EPS15: variants seen among roughly 807,000 people sequenced by gnomAD.
EPS15 encodes the protein epidermal growth factor receptor pathway substrate 15.
Under a neutral mutation model 113.8 loss-of-function variants are expected in EPS15, and 72 were observed. That is an observed-to-expected ratio of 0.63 (90% confidence interval 0.52 to 0.77). The LOEUF is 0.77. Ranked by LOEUF, EPS15 falls within the 30% of genes least tolerant of loss-of-function variation. EPS15 has a pLI of 0.00. For synonymous variants in EPS15, 344 were observed against 363.4 expected, an observed-to-expected ratio of 0.95 and a Z score of 0.61; for missense variants, 1,048 against 1,045.8, an observed-to-expected ratio of 1.00 and a Z score of -0.03.
At chr1:51,473,658 T>C (rs1342873377) in intron 2 of EPS15, among the ~76,000 whole-genome samples, 1 of 152,108 alleles carries the variant, frequency 6.6e-6, no homozygotes, top group Non-Finnish European at 1.5e-5. Context: ...TTCCTAAAGT[T>C]CCATTTGTAA....
chr1:51,423,971 A>G (rs984527561), intron 12 of EPS15, among the ~76,000 whole-genome samples: 1 of 152,134 alleles, frequency 6.6e-6, no homozygotes, highest in African/African-American at 2.4e-5. Context: ...TGTTATCTCT[A>G]ATCATATCCT....
intron 17 of EPS15, among the ~76,000 whole-genome samples, chr1:51,402,785 T>A (rs1166911936): frequency 3.9e-5 from 6 of 151,922 alleles, no homozygotes; most frequent in Non-Finnish European, 8.8e-5. Flanking sequence ...TAGCTGGGCA[T>A]GTGCAGCTAC....
intron 9 of EPS15, 43 bp from the exon 10 acceptor site, chr1:51,447,148 A>T: frequency 6.4e-7 from 1 of 1,551,410 alleles, no homozygotes; most frequent in Non-Finnish European, 8.7e-7. Context: ...AAAATGAAAC[A>T]AACTTTGAAG....
At chr1:51,438,224 C>T (rs1461806077) in intron 12 of EPS15, among the ~76,000 whole-genome samples, 3 of 151,926 alleles carry the variant, frequency 2.0e-5, no homozygotes, top group Admixed American at 2.0e-4. Flanking sequence ...ATAAATATAC[C>T]GCACATTTAT....
intron 21 of EPS15, chr1:51,372,363 T>A (rs1342490514): frequency 1.9e-5 from 10 of 536,392 alleles, no homozygotes; most frequent in South Asian, 1.1e-4. Flanking sequence ...AAACCAGCAG[T>A]GCATTGTTGG....
intron 8 of EPS15, among the ~76,000 whole-genome samples, chr1:51,448,762 T>G (rs1653283792): frequency 6.6e-6 from 1 of 152,160 alleles, no homozygotes; most frequent in African/African-American, 2.4e-5. Context: ...GCATAAGGAT[T>G]ATTTTGAACT....
intron 21 of EPS15, among the ~76,000 whole-genome samples, chr1:51,368,443 A>G (rs1448582201): frequency 6.6e-6 from 1 of 152,220 alleles, no homozygotes; most frequent in Admixed American, 6.5e-5. Context: ...TTGGAAGTTC[A>G]GGGTTATAGG....
Position 51,490,603 on chromosome 1 carries a change from T to C in EPS15, c.34-9289A>G, listed in dbSNP as rs892456903. The stretch of plus-strand genomic sequence containing the variant: ...AAAAAAAACAGAAGTGAAAGTAAAA[T>C]AAAGAGACAACCTCTAAAACATAAT... On this transcript the variant is annotated intron_variant, in intron 1 of 24. Coordinates refer to ENST00000371733, the MANE Select transcript of EPS15 (RefSeq NM_001981.3). Among the ~76,000 whole-genome samples the C allele has an allele frequency of 1.3e-4, 16 of 119,690 alleles. No individual in the cohort carries two copies. In the South Asian group the frequency reaches 2.7e-3, roughly 20 times the overall value. The allele number at this position is 119,690 out of a possible 152,430, so 78.5% of individuals were successfully genotyped here.
chr1:51,472,812 C>T (rs1375353396), intron 3 of EPS15, 47 bp downstream of exon 3: 1 of 1,387,550 alleles, frequency 7.2e-7, no homozygotes, highest in Non-Finnish European at 1.0e-6. Flanking sequence ...ATCTATAGTA[C>T]ACATTCCTTA....
intron 1 of EPS15, among the ~76,000 whole-genome samples, chr1:51,489,871 C>T (rs1169722874): frequency 6.6e-6 from 1 of 152,154 alleles, no homozygotes; most frequent in African/African-American, 2.4e-5. Flanking sequence ...GGGACTGCTC[C>T]TCCAGCCCGG....
rs182496642 is a variant in EPS15, at chr1:51,392,336, T to C, written c.2119+2045A>G. 6.2e-4 allele frequency among the ~76,000 whole-genome samples: 94 copies of C among 152,238 alleles called. 1 individual carries two copies. The highest frequency in any genetic ancestry group is 2.1e-3 in the African/African-American group (86 of 41,528). On this transcript the variant is annotated intron_variant, in intron 21 of 24. Transcript: ENST00000371733. ...TTAAATGGGACCAAGTAGAGAAAAA[T>C]GATTAGCATGTTGACTGCTGGAACT... is the stretch of plus-strand genomic sequence containing the variant.
chr1:51,502,449 A>G (rs969905398), intron 1 of EPS15, among the ~76,000 whole-genome samples: 1 of 152,144 alleles, frequency 6.6e-6, no homozygotes, highest in Non-Finnish European at 1.5e-5. Flanking sequence ...AAGGATGTCC[A>G]CTCTTGCCAC....
chr1:51,421,769 A>G lies in EPS15; in HGVS notation c.1113+17T>C. On this transcript the variant is annotated intron_variant, in intron 13 of 24. Coordinates refer to ENST00000371733, the MANE Select transcript of EPS15 (RefSeq NM_001981.3). ...TCCTAAATCAGCAGTGGAACACTAAATTTTATGGTCACTTACCTGAACCTC... is the reference window on the plus strand; with the variant it reads ...TCCTAAATCAGCAGTGGAACACTAAGTTTTATGGTCACTTACCTGAACCTC... 19 of 1,513,494 alleles carry G rather than the reference A, an allele frequency of 1.3e-5. No homozygotes were observed. Among genetic ancestry groups the G allele is most frequent in the Non-Finnish European group, 1.7e-5 (19 of 1,116,254 alleles). 93.8% of individuals were successfully genotyped at this position (1,513,494 alleles called of 1,614,324 possible).
intron 1 of EPS15, among the ~76,000 whole-genome samples, chr1:51,499,354 T>C (rs1644376453): frequency 6.6e-6 from 1 of 152,236 alleles, no homozygotes; most frequent in South Asian, 2.1e-4. Flanking sequence ...CACCACATTT[T>C]TTTTTAATTC....
chr1:51,402,970 A>C (rs533449799), intron 17 of EPS15, among the ~76,000 whole-genome samples: 7 of 152,370 alleles, frequency 4.6e-5, no homozygotes, highest in African/African-American at 1.4e-4. Flanking sequence ...AAGCACCTTT[A>C]ACACATTTTT....
chr1:51,365,150 G>C (rs567520775), intron 22 of EPS15, among the ~76,000 whole-genome samples: 1 of 152,284 alleles, frequency 6.6e-6, no homozygotes, highest in East Asian at 1.9e-4. Flanking sequence ...AAATCTTAAT[G>C]TGTGTCTGAA....
intron 13 of EPS15, among the ~76,000 whole-genome samples, chr1:51,421,404 T>C (rs1330255956): frequency 6.6e-6 from 1 of 152,034 alleles, no homozygotes; most frequent in Non-Finnish European, 1.5e-5. Flanking sequence ...TGAAAAAGCA[T>C]ACTGGTTTTT....
intron 21 of EPS15, among the ~76,000 whole-genome samples, chr1:51,371,612 A>G (rs1447128052): frequency 2.0e-5 from 3 of 152,208 alleles, no homozygotes; most frequent in Non-Finnish European, 4.4e-5. Context: ...CTAAAGGTTT[A>G]TTACAAGAGT....
chr1:51,428,491 CA>C (rs990889026), intron 12 of EPS15, among the ~76,000 whole-genome samples: 7 of 152,044 alleles, frequency 4.6e-5, no homozygotes, highest in African/African-American at 1.4e-4. Flanking sequence ...AATAACATAA[CA>C]GGGGGAGTTC....
Sources: gnomAD v4.1 joint callset for allele counts (sites outside exome capture counted in the v4.1 genomes callset) on GRCh38, gnomAD v4.1.1 for gene constraint, MANE v1.5 for transcripts, NCBI Gene and HGNC (gene_info 2026-07-23, HGNC 2026-07-21) for gene names.